ELMOD1: variants seen among roughly 807,000 people sequenced by gnomAD.
ELMOD1 encodes ELMO domain-containing protein 1.
In ELMOD1, 21 loss-of-function variants were observed where a neutral mutation model predicts 46.7. The ratio of observed to expected loss-of-function variants is 0.45; its 90% confidence interval spans 0.32 to 0.65. ELMOD1 has a LOEUF of 0.65. Among genes scored for constraint, ELMOD1 ranks in the 30% least tolerant of loss-of-function variants. The pLI is 0.04. For missense variants in ELMOD1, 348 were observed against 407.8 expected (o/e 0.85, Z 1.26); for synonymous variants, 122 against 138.2 (o/e 0.88, Z 0.82).
intron 1 of ELMOD1, among the ~76,000 whole-genome samples, chr11:107,617,268 G>C (rs1865878260): frequency 6.6e-6 from 1 of 152,194 alleles, no homozygotes; most frequent in Non-Finnish European, 1.5e-5. Flanking sequence ...GGCTGTTCTA[G>C]TTGGCAATGT....
intron 1 of ELMOD1, among the ~76,000 whole-genome samples, chr11:107,596,311 A>G (rs778172223): frequency 6.6e-6 from 1 of 152,124 alleles, no homozygotes; most frequent in Non-Finnish European, 1.5e-5. Flanking sequence ...ATCATCAGTG[A>G]CATCAGAAAC....
At chr11:107,663,423 T>A (rs1866778809) in intron 11 of ELMOD1, among the ~76,000 whole-genome samples, 1 of 151,796 alleles carries the variant, frequency 6.6e-6, no homozygotes, top group Non-Finnish European at 1.5e-5. Context: ...GGCAGCAGGA[T>A]CACATGAGGC....
At chr11:107,631,943 G>A (rs986727314) in intron 5 of ELMOD1, among the ~76,000 whole-genome samples, 5 of 152,162 alleles carry the variant, frequency 3.3e-5, no homozygotes, top group African/African-American at 1.2e-4. Flanking sequence ...AGAGAAAGAT[G>A]AACCCATTCA....
At chr11:107,617,288 C>T (rs537079589) in intron 1 of ELMOD1, among the ~76,000 whole-genome samples, 4 of 152,270 alleles carry the variant, frequency 2.6e-5, no homozygotes, top group Middle Eastern at 3.4e-3. Flanking sequence ...TGTCTCTGCC[C>T]GCAGCTCTTT....
intron 6 of ELMOD1, among the ~76,000 whole-genome samples, chr11:107,642,437 C>T (rs918118863): frequency 2.6e-5 from 4 of 152,034 alleles, no homozygotes; most frequent in African/African-American, 4.8e-5. Context: ...GGCACGATCT[C>T]GGCTCACTGC....
chr11:107,630,387 T>C (rs1316756416), intron 2 of ELMOD1, 30 bp from the exon 3 acceptor site: 1 of 1,566,070 alleles, frequency 6.4e-7, no homozygotes, highest in South Asian at 1.2e-5. Context: ...AGAGTTCTAT[T>C]GGAAGGGTGC....
chr11:107,647,317 T>C (rs1591131767), intron 6 of ELMOD1, 151 bp from the exon 7 acceptor site: 1 of 552,078 alleles, frequency 1.8e-6, no homozygotes, highest in East Asian at 3.3e-5. Flanking sequence ...TTTTTTTCTC[T>C]CTTTCATTGT....
At chr11:107,639,605 A>G (rs946397194) in intron 6 of ELMOD1, among the ~76,000 whole-genome samples, 3 of 152,180 alleles carry the variant, frequency 2.0e-5, no homozygotes, top group African/African-American at 7.2e-5. Flanking sequence ...TCTGTCCTGC[A>G]GAGGGTTCGA....
intron 2 of ELMOD1, among the ~76,000 whole-genome samples, chr11:107,628,809 TAATC>T (rs1168040262): frequency 1.3e-5 from 2 of 151,824 alleles, no homozygotes; most frequent in Non-Finnish European, 2.9e-5. Context: ...AAAATGTACT[TAATC>T]AAAAAAGAAA....
At chr11:107,627,479 G>T (rs1422095125) in intron 2 of ELMOD1, among the ~76,000 whole-genome samples, 1 of 152,118 alleles carries the variant, frequency 6.6e-6, no homozygotes, top group Non-Finnish European at 1.5e-5. Context: ...TTTTTTAAAA[G>T]ATAAAAGCAA....
chr11:107,607,860 G>C (rs3132818), intron 1 of ELMOD1, among the ~76,000 whole-genome samples: 107,355 of 151,872 alleles, frequency 0.71, 39,668 homozygotes, highest in African/African-American at 0.92. Flanking sequence ...TGAGAATAGC[G>C]CAAACTGAGG....
intron 1 of ELMOD1, among the ~76,000 whole-genome samples, chr11:107,615,944 G>C (rs555753475): frequency 2.0e-5 from 3 of 148,776 alleles, no homozygotes; most frequent in African/African-American, 7.4e-5. Flanking sequence ...GGTGATCTTA[G>C]CCTTGATCAC....
chr11:107,665,970 T>G lies in ELMOD1; in HGVS notation c.*773T>G, dbSNP rs373458074. Reference sequence around the variant, plus strand: ...AGCAAGACTCCATCTCAAAAATAAATAAATAAATAAATAAATAAATAAATA... The same window carrying G: ...AGCAAGACTCCATCTCAAAAATAAAGAAATAAATAAATAAATAAATAAATA... On this transcript the variant is annotated 3_prime_UTR_variant, in exon 12 of 12. Transcript: ENST00000265840. The G allele has an allele frequency of 8.6e-6, 1 of 116,284 alleles. No homozygotes were observed. The highest frequency in any genetic ancestry group is 3.9e-5 in the African/African-American group (1 of 25,696). The allele number at this position is 116,284 out of a possible 1,614,324, so 7.2% of individuals were successfully genotyped here. A position where few individuals can be genotyped will look rare whatever the true frequency, so the allele number is the denominator to read the frequency against.
intron 2 of ELMOD1, among the ~76,000 whole-genome samples, chr11:107,619,019 C>T (rs1464013515): frequency 6.6e-6 from 1 of 152,136 alleles, no homozygotes; most frequent in Non-Finnish European, 1.5e-5. Flanking sequence ...TCTTGTCTTT[C>T]ACTCGGGCCT....
intron 6 of ELMOD1, among the ~76,000 whole-genome samples, chr11:107,637,712 A>C (rs1052407291): frequency 6.6e-6 from 1 of 152,002 alleles, no homozygotes; most frequent in African/African-American, 2.4e-5. Context: ...AAACCAAAAA[A>C]AAAAAAATCA....
At chr11:107,623,260 A>G (rs978011435) in intron 2 of ELMOD1, 5 of 152,130 alleles carry the variant, frequency 3.3e-5, no homozygotes, top group Admixed American at 6.5e-5. Flanking sequence ...GAAATATGTT[A>G]ACCTGCATCT....
intron 6 of ELMOD1, among the ~76,000 whole-genome samples, chr11:107,646,177 G>A (rs563789481): frequency 2.0e-4 from 30 of 152,186 alleles, no homozygotes; most frequent in African/African-American, 7.0e-4. Context: ...GGGTCTCAGC[G>A]TCTCTCTCAA....
chr11:107,644,455 CAA>C (rs912297207), intron 6 of ELMOD1, among the ~76,000 whole-genome samples: 1 of 151,736 alleles, frequency 6.6e-6, no homozygotes, highest in African/African-American at 2.4e-5. Context: ...CTCGATGAAA[CAA>C]GATATATATA....
intron 2 of ELMOD1, among the ~76,000 whole-genome samples, chr11:107,626,832 C>A (rs1463374106): frequency 6.6e-6 from 1 of 152,038 alleles, no homozygotes; most frequent in East Asian, 1.9e-4. Context: ...TTTCCATAAA[C>A]TTTGTGATTT....
Sources: gnomAD v4.1 joint callset for allele counts (sites outside exome capture counted in the v4.1 genomes callset) on GRCh38, gnomAD v4.1.1 for gene constraint, MANE v1.5 for transcripts, NCBI Gene and HGNC (gene_info 2026-07-23, HGNC 2026-07-21) for gene names.